Variants in OSBPL9 observed in about 807,000 individuals in gnomAD.
The protein encoded by OSBPL9 is oxysterol binding protein like 9.
A neutral mutation model predicts 106.6 loss-of-function variants in OSBPL9; 40 were observed. That is an observed-to-expected ratio of 0.38 (90% CI 0.29 to 0.49). The LOEUF is 0.49. OSBPL9 is among the 20% of genes least tolerant of loss of function. The pLI is 0.97. For missense variants in OSBPL9, 609 were observed against 887.2 expected (o/e 0.69, Z 3.98); for synonymous variants, 269 against 295.4 (o/e 0.91, Z 0.92).
intron 1 of OSBPL9, among the ~76,000 whole-genome samples, chr1:51,642,892 A>G (rs1645895589): frequency 1.3e-5 from 2 of 152,218 alleles, no homozygotes; most frequent in Admixed American, 1.3e-4. Flanking sequence ...CCAGGACCCT[A>G]GAGCTTTTTA....
At chr1:51,727,285 C>G (rs1571353061) in intron 4 of OSBPL9, among the ~76,000 whole-genome samples, 1 of 152,130 alleles carries the variant, frequency 6.6e-6, no homozygotes, top group Non-Finnish European at 1.5e-5. Flanking sequence ...CCATGGACAT[C>G]TGGCAAAATT....
At chr1:51,725,350 A>G (rs1386272095) in intron 4 of OSBPL9, among the ~76,000 whole-genome samples, 2 of 152,024 alleles carry the variant, frequency 1.3e-5, no homozygotes, top group African/African-American at 4.8e-5. Context: ...TACTTTGTCC[A>G]TTAGAGTTCT....
chr1:51,751,958 GA>G (rs540086261), intron 8 of OSBPL9, among the ~76,000 whole-genome samples: 144 of 152,280 alleles, frequency 9.5e-4, no homozygotes, highest in African/African-American at 3.3e-3. Flanking sequence ...ATTTATTCCA[GA>G]AGGAAGTTTT....
chr1:51,770,870 A>G (rs906102547), intron 12 of OSBPL9, among the ~76,000 whole-genome samples: 4 of 152,226 alleles, frequency 2.6e-5, no homozygotes, highest in African/African-American at 9.6e-5. Context: ...ACTATTCTGT[A>G]TGATACAATG....
chr1:51,729,243 C>G lies in OSBPL9; in HGVS notation c.318+15164C>G, dbSNP rs1391109462. ...TTGTTTACCGATATAGTATCTCCTC[C>G]TCCCCTCACTCCATCAACCCCCACG... On this transcript the variant is annotated intron_variant, in intron 4 of 23. Transcript: ENST00000428468. The surrounding 1 kb of genome is among the most constrained non-coding windows in gnomAD (Gnocchi z 5.1). 6.6e-6 allele frequency: 1 copy of G among 152,272 alleles called. No homozygotes were observed. Among genetic ancestry groups the G allele is most frequent in the East Asian group, 1.9e-4 (1 of 5,200 alleles). 9.4% of individuals were successfully genotyped at this position (152,272 alleles called of 1,614,324 possible).
the OSBPL9 span, among the ~76,000 whole-genome samples, chr1:51,543,687 G>A: frequency 3.3e-5 from 5 of 152,186 alleles, no homozygotes; most frequent in South Asian, 2.1e-4. Flanking sequence ...GAGCCACTGC[G>A]CCTGGCCTCA....
chr1:51,626,270 C>G (rs1644758788), intron 1 of OSBPL9, among the ~76,000 whole-genome samples: 1 of 152,136 alleles, frequency 6.6e-6, no homozygotes, highest in African/African-American at 2.4e-5. Context: ...TTTATACTTG[C>G]TTTTACCTTT....
intron 1 of OSBPL9, among the ~76,000 whole-genome samples, chr1:51,623,480 AC>A (rs1340465926): frequency 2.0e-5 from 3 of 152,310 alleles, no homozygotes; most frequent in African/African-American, 7.2e-5. Context: ...CAAATGTTTA[AC>A]CCTCTTTCTT....
intron 1 of OSBPL9, among the ~76,000 whole-genome samples, chr1:51,595,339 A>G (rs1262531760): frequency 6.6e-6 from 1 of 151,862 alleles, no homozygotes; most frequent in Non-Finnish European, 1.5e-5. Context: ...CTGTCCCTCC[A>G]TCCTCCCTTC....
rs147665426 is a variant in OSBPL9 at position 51,786,503 on chromosome 1, C to T, written c.1909-23C>T. On this transcript the variant is annotated intron_variant, in intron 21 of 23. Transcript: ENST00000428468. ...GTTAGGGGTTTATGGGTCTAGTTCC[C>T]ATCCACCTCTATTGTTTTCTAGGAA... The T allele has an allele frequency of 2.6e-3, 3,875 of 1,506,968 alleles. 6 individuals are homozygous for T. The highest frequency in any genetic ancestry group is 3.2e-3 in the Non-Finnish European group (3,519 of 1,084,618). 93.3% of individuals were successfully genotyped at this position (1,506,968 alleles called of 1,614,324 possible).
At chr1:51,773,395 T>G (rs1455063398) in intron 14 of OSBPL9, among the ~76,000 whole-genome samples, 2 of 152,172 alleles carry the variant, frequency 1.3e-5, no homozygotes, top group Non-Finnish European at 2.9e-5. Flanking sequence ...CTCCTTTCAC[T>G]TAATTCTCAC....
intron 2 of OSBPL9, among the ~76,000 whole-genome samples, chr1:51,655,125 T>A (rs765148650): frequency 3.9e-5 from 6 of 152,184 alleles, no homozygotes; most frequent in African/African-American, 1.2e-4. Context: ...CACCCATATA[T>A]TTCACAGTTT....
At chr1:51,748,266 T>G (rs1375436141) in intron 6 of OSBPL9, 103 bp from the exon 7 acceptor site, 2 of 1,377,456 alleles carry the variant, frequency 1.5e-6, no homozygotes, top group African/African-American at 3.0e-5. Flanking sequence ...TCACTTAGAA[T>G]GAGTACATTT....
At chr1:51,757,326 A>G (rs900133472) in intron 9 of OSBPL9, among the ~76,000 whole-genome samples, 4 of 152,142 alleles carry the variant, frequency 2.6e-5, no homozygotes, top group Admixed American at 1.3e-4. Flanking sequence ...CCATGGTGAT[A>G]TAATACAATT....
At chr1:51,727,793 T>G (rs1663397390) in intron 4 of OSBPL9, among the ~76,000 whole-genome samples, 1 of 152,042 alleles carries the variant, frequency 6.6e-6, no homozygotes, top group Admixed American at 6.6e-5. Flanking sequence ...AGCCCAGGAG[T>G]TTGAGTTCAG....
At chr1:51,579,736 C>G (rs535670093) in intron 1 of OSBPL9, among the ~76,000 whole-genome samples, 57 of 151,834 alleles carry the variant, frequency 3.8e-4, no homozygotes, top group Non-Finnish European at 7.9e-4. Flanking sequence ...TGGTGCATGC[C>G]TGTAGTCCCA....
At chr1:51,757,390 C>G (rs1030808805) in intron 9 of OSBPL9, among the ~76,000 whole-genome samples, 1 of 151,784 alleles carries the variant, frequency 6.6e-6, no homozygotes, top group Non-Finnish European at 1.5e-5. Flanking sequence ...GAGATACTAT[C>G]GAAGATTGTT....
chr1:51,728,165 T>C (rs904055518), intron 4 of OSBPL9, among the ~76,000 whole-genome samples: 1 of 152,210 alleles, frequency 6.6e-6, no homozygotes, highest in Admixed American at 6.5e-5. Flanking sequence ...AGGCTAAACC[T>C]TGTCAGCCAT....
At chr1:51,730,316 G>A (rs1330222511) in intron 4 of OSBPL9, among the ~76,000 whole-genome samples, 1 of 152,120 alleles carries the variant, frequency 6.6e-6, no homozygotes, top group African/African-American at 2.4e-5. Context: ...TTTGAAAGCT[G>A]TCTCAGAATA....
Sources: gnomAD v4.1 joint callset for allele counts (sites outside exome capture counted in the v4.1 genomes callset) on GRCh38, gnomAD v4.1.1 for gene constraint, Gnocchi (gnomAD v3.1) non-coding constraint, MANE v1.5 for transcripts, NCBI Gene and HGNC (gene_info 2026-07-23, HGNC 2026-07-21) for gene names.